SLC38A1: variants seen among roughly 807,000 people sequenced by gnomAD.
SLC38A1 encodes solute carrier family 38 member 1.
Under a neutral mutation model 60.3 loss-of-function variants are expected in SLC38A1, and 18 were observed. That is an observed-to-expected ratio of 0.30 (90% CI 0.21 to 0.44). The LOEUF (loss-of-function observed/expected upper bound fraction) is 0.44. SLC38A1 is among the 20% of genes least tolerant of loss of function. The pLI is 1.00. For synonymous variants in SLC38A1, 196 were observed against 212.1 expected (o/e 0.92, Z 0.66); for missense variants, 448 against 587.2 (o/e 0.76, Z 2.45).
At chr12:46,189,894 A>C (rs1276163387) in intron 16 of SLC38A1, among the ~76,000 whole-genome samples, 1 of 152,000 alleles carries the variant, frequency 6.6e-6, no homozygotes, top group Non-Finnish European at 1.5e-5. Context: ...TGGAATTGTG[A>C]GTCAATTAAA....
intron 2 of SLC38A1, 87 bp downstream of exon 2, chr12:46,243,110 TTAA>T (rs1398945015): frequency 1.3e-5 from 2 of 151,216 alleles, no homozygotes; most frequent in African/African-American, 4.8e-5. Context: ...AATAAATGAA[TTAA>T]TTAATTAACT....
rs1250958637 is a variant in SLC38A1 at position 46,197,591 on chromosome 12, A to G, written c.1362+129T>C. ...ATATTTTAAATATCTCCCAAGTAGC[A>G]AAGCTACAGGGCTTCTGCCTCCTTT... On this transcript the variant is annotated intron_variant, in intron 16 of 16. Coordinates refer to ENST00000398637, the MANE Select transcript of SLC38A1 (RefSeq NM_030674.4). 4.4e-6 allele frequency: 3 copies of G among 687,344 alleles called. No individual in the cohort carries two copies. In the Admixed American group the frequency reaches 8.2e-5, roughly 19 times the overall value. 42.6% of individuals were successfully genotyped at this position (687,344 alleles called of 1,614,324 possible).
rs1939459075 is a variant in SLC38A1 at position 46,197,912 on chromosome 12, GC to G, written c.1264+6del. ...AGAATGACAAGCACAAAGTCATGAAGCCATACCTACGACTCCAAAAATATCC... is the reference window on the plus strand; with the variant it reads ...AGAATGACAAGCACAAAGTCATGAAGCATACCTACGACTCCAAAAATATCC... On this transcript the variant is annotated splice_donor_region_variant and intron_variant, in intron 15 of 16. Transcript: ENST00000398637. 6.2e-7 allele frequency: 1 copy of G among 1,613,736 alleles called. No individual in the cohort carries two copies. The highest frequency in any genetic ancestry group is 1.3e-5 in the African/African-American group (1 of 74,892).
intron 16 of SLC38A1, among the ~76,000 whole-genome samples, chr12:46,193,330 G>A (rs927130140): frequency 6.6e-5 from 10 of 151,994 alleles, no homozygotes; most frequent in Admixed American, 2.6e-4. Context: ...TTACATTTGC[G>A]GAGGAGTGTT....
intron 5 of SLC38A1, among the ~76,000 whole-genome samples, chr12:46,213,191 G>A (rs957128): frequency 0.056 from 8,587 of 152,190 alleles, 407 homozygotes; most frequent in East Asian, 0.27. Flanking sequence ...TAATTTCTCT[G>A]AGTCAGACAT....
chr12:46,212,745 A>G (rs901949238), intron 5 of SLC38A1, among the ~76,000 whole-genome samples: 2 of 152,176 alleles, frequency 1.3e-5, no homozygotes, highest in Non-Finnish European at 2.9e-5. Flanking sequence ...ATGTTTACCC[A>G]GGACAGGAAA....
At chr12:46,207,391 C>T (rs1592084700) in intron 7 of SLC38A1, 138 bp downstream of exon 7, 3 of 1,024,840 alleles carry the variant, frequency 2.9e-6, no homozygotes, top group East Asian at 2.5e-5. Context: ...AAATAAGTGA[C>T]TGCTGTCTCT....
Position 46,198,072 on chromosome 12 carries a change from G to T in SLC38A1, c.1123-12C>A, listed in dbSNP as rs1472709346. 3 of 1,612,286 alleles carry T rather than the reference G, an allele frequency of 1.9e-6. No homozygotes were observed. In the East Asian group the frequency reaches 6.7e-5, roughly 36 times the overall value. ...AAAGATGAACGAACCTGCAAGAAAAGAAAACAAAGATTCTGTAAGTGCCTA... is the reference window on the plus strand; with the variant it reads ...AAAGATGAACGAACCTGCAAGAAAATAAAACAAAGATTCTGTAAGTGCCTA... On this transcript the variant is annotated splice_polypyrimidine_tract_variant and intron_variant, in intron 14 of 16. Transcript: ENST00000398637.
intron 5 of SLC38A1, among the ~76,000 whole-genome samples, chr12:46,226,435 A>G (rs1380494597): frequency 6.6e-6 from 1 of 152,126 alleles, no homozygotes; most frequent in East Asian, 1.9e-4. Flanking sequence ...AAAAAATTCA[A>G]TAAAGAGGGG....
chr12:46,197,462 TG>T, intron 16 of SLC38A1: 1 of 325,482 alleles, frequency 3.1e-6, no homozygotes, highest in Non-Finnish European at 5.6e-6. Flanking sequence ...AGCTGAGATC[TG>T]GCCACTGCAC....
chr12:46,212,408 T>G (rs2095050318), intron 5 of SLC38A1, among the ~76,000 whole-genome samples: 1 of 152,196 alleles, frequency 6.6e-6, no homozygotes, highest in African/African-American at 2.4e-5. Context: ...AAAAACTGGT[T>G]GCTAAAAAAG....
At chr12:46,237,015 G>A (rs1359727711) in intron 3 of SLC38A1, among the ~76,000 whole-genome samples, 1 of 152,126 alleles carries the variant, frequency 6.6e-6, no homozygotes, top group East Asian at 1.9e-4. Flanking sequence ...CTGGAATAAC[G>A]GCAGATGTCT....
chr12:46,225,079 G>T (rs7980222), intron 5 of SLC38A1, among the ~76,000 whole-genome samples: 27,075 of 152,134 alleles, frequency 0.18, 4,060 homozygotes, highest in East Asian at 0.46. Flanking sequence ...GCGTAAAGCT[G>T]CTAGGATAAA....
rs1942454756 is a variant in SLC38A1, at chr12:46,268,896, T to C, written c.-579A>G. ...ATGCACCGGCGCTGAGGGTCACGAA[T>C]CGGAGTCATTCTCCTACTGGGGGAC... is the stretch of plus-strand genomic sequence containing the variant. On this transcript the variant is annotated 5_prime_UTR_variant, in exon 1 of 17. Transcript: ENST00000398637. This position sits in a 1 kb window ranked among gnomAD's most constrained non-coding sequence, Gnocchi z 4.4. The C allele has an allele frequency of 2.2e-6, 1 of 455,788 alleles. No individual in the cohort carries two copies. The highest frequency in any genetic ancestry group is 2.0e-5 in the African/African-American group (1 of 50,048). 28.2% of individuals were successfully genotyped at this position (455,788 alleles called of 1,614,324 possible).
At chr12:46,233,393 T>G (rs1941148042) in intron 3 of SLC38A1, among the ~76,000 whole-genome samples, 1 of 152,202 alleles carries the variant, frequency 6.6e-6, no homozygotes. Context: ...TTGCCTTTCT[T>G]GTGGAGGGAC....
intron 12 of SLC38A1, among the ~76,000 whole-genome samples, 157 bp from the exon 13 acceptor site, chr12:46,201,355 C>G (rs1939651358): frequency 1.3e-5 from 2 of 152,198 alleles, no homozygotes; most frequent in African/African-American, 2.4e-5. Context: ...TTGAAAATAA[C>G]CTCTCTTATA....
intron 5 of SLC38A1, among the ~76,000 whole-genome samples, chr12:46,216,397 A>C (rs1940413403): frequency 6.6e-6 from 1 of 152,176 alleles, no homozygotes; most frequent in Admixed American, 6.5e-5. Flanking sequence ...TTTCCAGGCA[A>C]GTGTGACAGC....
chr12:46,192,424 A>T (rs1939184171), intron 16 of SLC38A1, among the ~76,000 whole-genome samples: 1 of 152,070 alleles, frequency 6.6e-6, no homozygotes, highest in Admixed American at 6.6e-5. Flanking sequence ...CCAGGCTTTG[A>T]TAACAGGATG....
At chr12:46,225,505 C>A (rs1344267303) in intron 5 of SLC38A1, among the ~76,000 whole-genome samples, 1 of 152,068 alleles carries the variant, frequency 6.6e-6, no homozygotes. Context: ...CAGCCCTTTC[C>A]CCCTACTTGG....
Sources: allele counts gnomAD v4.1 joint callset (sites outside exome capture counted in the v4.1 genomes callset), GRCh38; gene constraint gnomAD v4.1.1; non-coding constraint Gnocchi (gnomAD v3.1); transcripts MANE v1.5; gene names NCBI Gene and HGNC (gene_info 2026-07-23, HGNC 2026-07-21).